TMEM267: variants seen among roughly 807,000 people sequenced by gnomAD.
TMEM267 encodes transmembrane protein 267, also known as transmembrane protein C5orf28.
Under a neutral mutation model 19.3 loss-of-function variants are expected in TMEM267, and 20 were observed. The observed-to-expected ratio is 1.04, with a 90% CI of 0.73 to 1.51. The LOEUF is 1.51. TMEM267 is among the 40% of genes most tolerant of loss of function. TMEM267 has a pLI of 0.00. For missense variants in TMEM267, 242 were observed against 261.9 expected (o/e 0.92, Z 0.52); for synonymous variants, 88 against 90.3 (o/e 0.97, Z 0.15).
intron 2 of TMEM267, among the ~76,000 whole-genome samples, chr5:43,450,383 A>C (rs953961396): frequency 6.6e-6 from 1 of 152,224 alleles, no homozygotes; most frequent in African/African-American, 2.4e-5. Flanking sequence ...CACTGTCATG[A>C]ATACTTATTC....
chr5:43,447,195 T>G (rs1742294295), intron 2 of TMEM267, among the ~76,000 whole-genome samples: 1 of 151,848 alleles, frequency 6.6e-6, no homozygotes, highest in African/African-American at 2.4e-5. Flanking sequence ...TGGGTTAAAA[T>G]TCTCCAGCCT....
chr5:43,457,847 AT>A (rs1743041486), intron 1 of TMEM267, among the ~76,000 whole-genome samples: 1 of 152,176 alleles, frequency 6.6e-6, no homozygotes, highest in South Asian at 2.1e-4. Context: ...AGTTCATTAT[AT>A]TTTTCTCTAT....
At chr5:43,479,491 A>G (rs1744625415) in intron 1 of TMEM267, among the ~76,000 whole-genome samples, 1 of 112,316 alleles carries the variant, frequency 8.9e-6, no homozygotes, top group Non-Finnish European at 1.9e-5. Flanking sequence ...GTGTAATTTT[A>G]AAAAGGTAAT....
intron 1 of TMEM267, among the ~76,000 whole-genome samples, chr5:43,457,494 GAAGGAGTC>G (rs751512128): frequency 5.9e-5 from 9 of 152,176 alleles, no homozygotes; most frequent in Non-Finnish European, 8.8e-5. Flanking sequence ...AGGTAAAGAG[GAAGGAGTC>G]ACGTTTTACA....
chr5:43,464,318 A>G (rs1356455320), intron 1 of TMEM267, among the ~76,000 whole-genome samples: 24 of 151,998 alleles, frequency 1.6e-4, no homozygotes, highest in Non-Finnish European at 2.9e-4. Flanking sequence ...ATACAAACAA[A>G]CGGAAGAACA....
intron 1 of TMEM267, among the ~76,000 whole-genome samples, chr5:43,458,631 C>T (rs1579798899): frequency 6.6e-6 from 1 of 152,070 alleles, no homozygotes; most frequent in South Asian, 2.1e-4. Flanking sequence ...TATGTCAAAA[C>T]GTATCAAACT....
At chr5:43,449,395 T>C (rs1742446862) in intron 2 of TMEM267, among the ~76,000 whole-genome samples, 1 of 152,124 alleles carries the variant, frequency 6.6e-6, no homozygotes, top group Non-Finnish European at 1.5e-5. Flanking sequence ...ACAACATATG[T>C]GTAACTGAAG....
Position 43,473,139 on chromosome 5 carries a change from CAAAA to C in TMEM267, c.-75+10679_-75+10682del, listed in dbSNP as rs71610311. On this transcript the variant is annotated intron_variant, in intron 1 of 2. Transcript: ENST00000397080. ...GACTACAGAGCGAGACTCCGTGTCA[CAAAA>C]AAAAAAAAAAAAAAAAAATAGAAAG... Among the ~76,000 whole-genome samples, 15 of 84,510 alleles carry C rather than the reference CAAAA, an allele frequency of 1.8e-4. No homozygotes were observed. In the South Asian group the frequency reaches 2.0e-3, roughly 11 times the overall value. 55.4% of individuals were successfully genotyped at this position (84,510 alleles called of 152,430 possible). A position where few individuals can be genotyped will look rare whatever the true frequency, so the allele number is the denominator to read the frequency against.
intron 1 of TMEM267, among the ~76,000 whole-genome samples, chr5:43,480,614 A>G (rs751790475): frequency 1.0e-4 from 15 of 150,320 alleles, no homozygotes; most frequent in Non-Finnish European, 1.9e-4. Context: ...TGAGCCACTG[A>G]GCCTGACCCA....
At chr5:43,452,684 T>C (rs1191331853) in intron 2 of TMEM267, among the ~76,000 whole-genome samples, 2 of 151,888 alleles carry the variant, frequency 1.3e-5, no homozygotes, top group African/African-American at 2.4e-5. Flanking sequence ...TTAAACAAAA[T>C]GTTATGCTAA....
At chr5:43,472,213 G>A (rs1323298713) in intron 1 of TMEM267, among the ~76,000 whole-genome samples, 1 of 152,160 alleles carries the variant, frequency 6.6e-6, no homozygotes, top group Non-Finnish European at 1.5e-5. Flanking sequence ...TTGATCATCA[G>A]AGAAATGCAA....
chr5:43,483,056 GTCT>G (rs767043382), intron 1 of TMEM267, among the ~76,000 whole-genome samples: 1 of 152,272 alleles, frequency 6.6e-6, no homozygotes, highest in East Asian at 1.9e-4. Context: ...TTACCAGTAA[GTCT>G]TCTTCACTGA....
chr5:43,473,981 C>A (rs917951726), intron 1 of TMEM267, among the ~76,000 whole-genome samples: 1 of 152,164 alleles, frequency 6.6e-6, no homozygotes, highest in Non-Finnish European at 1.5e-5. Context: ...ACCATCTGAT[C>A]TTTGACAAAT....
intron 2 of TMEM267, among the ~76,000 whole-genome samples, chr5:43,447,028 A>G (rs1360855511): frequency 1.3e-5 from 2 of 152,008 alleles, no homozygotes; most frequent in Non-Finnish European, 2.9e-5. Context: ...TTTATTTACA[A>G]CATTTAGAAA....
intron 1 of TMEM267, among the ~76,000 whole-genome samples, chr5:43,472,866 A>G (rs2132000): frequency 0.57 from 84,556 of 149,270 alleles, 26,143 homozygotes; most frequent in African/African-American, 0.8. Flanking sequence ...AAGGCCGGGC[A>G]CGGTGGCTCA....
chr5:43,465,637 A>C (rs1743610731), intron 1 of TMEM267, among the ~76,000 whole-genome samples: 1 of 152,218 alleles, frequency 6.6e-6, no homozygotes, highest in Non-Finnish European at 1.5e-5. Flanking sequence ...ATAAAAAAGG[A>C]TGAGTTCATA....
intron 2 of TMEM267, among the ~76,000 whole-genome samples, chr5:43,450,574 G>A (rs1389735910): frequency 6.6e-6 from 1 of 152,158 alleles, no homozygotes; most frequent in Non-Finnish European, 1.5e-5. Context: ...AGGAAACTGA[G>A]GCAGTGAGGC....
intron 1 of TMEM267, among the ~76,000 whole-genome samples, chr5:43,462,896 A>G (rs180963359): frequency 1.5e-3 from 231 of 152,336 alleles, no homozygotes; most frequent in African/African-American, 5.3e-3. Context: ...AGCAAGAGCA[A>G]ACACATTCAA....
At chr5:43,482,847 TTTAA>T (rs1402327513) in intron 1 of TMEM267, among the ~76,000 whole-genome samples, 3 of 152,240 alleles carry the variant, frequency 2.0e-5, no homozygotes, top group Admixed American at 6.5e-5. Flanking sequence ...AGCTGGTCAC[TTTAA>T]TTATACGCTA....
Sources: gnomAD v4.1 joint callset for allele counts (sites outside exome capture counted in the v4.1 genomes callset) on GRCh38, gnomAD v4.1.1 for gene constraint, MANE v1.5 for transcripts, NCBI Gene and HGNC (gene_info 2026-07-23, HGNC 2026-07-21) for gene names.